The following MLLT10 variants were observed in gnomAD, a reference collection of about 807,000 sequenced individuals.
The protein encoded by MLLT10 is MLLT10 histone lysine methyltransferase DOT1L cofactor, also known as protein AF-10.
Under a neutral mutation model 129.1 loss-of-function variants are expected in MLLT10, and 30 were observed. The observed-to-expected ratio is 0.23, with a 90% CI of 0.17 to 0.32. MLLT10 has a LOEUF of 0.32. Ranked by LOEUF, MLLT10 falls within the 10% of genes least tolerant of loss-of-function variation. The pLI is 1.00. For missense variants in MLLT10, 1,119 were observed against 1,268.3 expected, an observed-to-expected ratio of 0.88 and a Z score of 1.79; for synonymous variants, 490 against 446.4, an observed-to-expected ratio of 1.10 and a Z score of -1.23.
At chr10:21,538,771 G>T (rs2034556738) in intron 2 of MLLT10, 62 bp from the exon 3 acceptor site, 3 of 1,215,082 alleles carry the variant, frequency 2.5e-6, no homozygotes, top group Non-Finnish European at 3.6e-6. Flanking sequence ...CTTTGAAAGG[G>T]TATTTGATTT....
chr10:21,720,156 C>T (rs1456134266), intron 14 of MLLT10, among the ~76,000 whole-genome samples: 1 of 152,188 alleles, frequency 6.6e-6, no homozygotes, highest in Non-Finnish European at 1.5e-5. Context: ...ACACTTCATT[C>T]CCTCCTGCTA....
chr10:21,553,870 G>A (rs1485441592), intron 3 of MLLT10, among the ~76,000 whole-genome samples: 3 of 152,078 alleles, frequency 2.0e-5, no homozygotes, highest in Non-Finnish European at 4.4e-5. Context: ...GGCTGGTTTC[G>A]AACTCCTGAA....
intron 21 of MLLT10, among the ~76,000 whole-genome samples, chr10:21,736,076 G>T (rs1378529780): frequency 6.6e-6 from 1 of 152,024 alleles, no homozygotes; most frequent in African/African-American, 2.4e-5. Flanking sequence ...TCAGGATTAA[G>T]AATTGGAAGG....
intron 3 of MLLT10, among the ~76,000 whole-genome samples, chr10:21,550,641 C>G (rs573698133): frequency 1.1e-4 from 16 of 152,198 alleles, no homozygotes; most frequent in Admixed American, 6.6e-4. Flanking sequence ...GAGCGATTCA[C>G]CTTCCTTAGC....
chr10:21,699,673 T>C (rs1375485260), intron 13 of MLLT10, among the ~76,000 whole-genome samples: 1 of 151,386 alleles, frequency 6.6e-6, no homozygotes, highest in Non-Finnish European at 1.5e-5. Context: ...TTGTCAAAAA[T>C]CAGTTGGCTG....
At chr10:21,604,223 A>G (rs1162773582) in intron 5 of MLLT10, among the ~76,000 whole-genome samples, 1 of 152,076 alleles carries the variant, frequency 6.6e-6, no homozygotes, top group African/African-American at 2.4e-5. Flanking sequence ...AATATAATAA[A>G]CTCAGAAAGT....
Position 21,586,002 on chromosome 10 carries a change from C to A in MLLT10, c.241-292C>A, listed in dbSNP as rs550542120. On this transcript the variant is annotated intron_variant, in intron 3 of 22. Transcript: ENST00000307729. ...TCTCGAACTCCCGACCTCAGCTAAT[C>A]CGCCTGCCTCAGCCTCCCAAAGTTC... Among the ~76,000 whole-genome samples the A allele has an allele frequency of 4.8e-4, 73 of 152,278 alleles. No homozygotes were observed. The Middle Eastern group carries it at 0.01, about 21-fold the overall frequency.
intron 11 of MLLT10, among the ~76,000 whole-genome samples, chr10:21,680,201 C>G (rs1476954352): frequency 6.6e-6 from 1 of 151,762 alleles, no homozygotes; most frequent in East Asian, 1.9e-4. Flanking sequence ...TTATCTTTCT[C>G]TTTTCTTTTT....
chr10:21,553,816 A>G (rs2130962684), intron 3 of MLLT10, among the ~76,000 whole-genome samples: 1 of 151,612 alleles, frequency 6.6e-6, no homozygotes, highest in Middle Eastern at 3.4e-3. Context: ...TGCCTGGCTA[A>G]TTTTTGTATT....
chr10:21,612,992 C>T (rs563488500), intron 6 of MLLT10, among the ~76,000 whole-genome samples: 12 of 151,910 alleles, frequency 7.9e-5, no homozygotes, highest in Admixed American at 1.3e-4. Flanking sequence ...TCAGGAGGTC[C>T]AGACCAGCCT....
chr10:21,716,996 C>A (rs548185191), intron 14 of MLLT10, among the ~76,000 whole-genome samples: 2 of 151,900 alleles, frequency 1.3e-5, no homozygotes, highest in Non-Finnish European at 2.9e-5. Flanking sequence ...GTGGCTCACA[C>A]CTGTAATCCC....
At chr10:21,740,862 G>A (rs2058771492) in intron 22 of MLLT10, among the ~76,000 whole-genome samples, 1 of 152,102 alleles carries the variant, frequency 6.6e-6, no homozygotes, top group African/African-American at 2.4e-5. Flanking sequence ...CCTTCAATTA[G>A]GTCTACTTTA....
At chr10:21,667,103 A>C (rs572857674) in intron 9 of MLLT10, among the ~76,000 whole-genome samples, 30 of 152,188 alleles carry the variant, frequency 2.0e-4, no homozygotes, top group African/African-American at 7.0e-4. Context: ...CTGCCTGTGG[A>C]ATTCTAAGTT....
rs1393841920 is a variant in MLLT10 at position 21,743,272 on chromosome 10, T to C, written c.*1289T>C. 1.3e-5 allele frequency: 3 copies of C among 227,098 alleles called. No homozygotes were observed. Among genetic ancestry groups the C allele is most frequent in the Middle Eastern group, 1.3e-3 (1 of 786 alleles). 14.1% of individuals were successfully genotyped at this position (227,098 alleles called of 1,614,324 possible). A position where few individuals can be genotyped will look rare whatever the true frequency, so the allele number is the denominator to read the frequency against. On this transcript the variant is annotated 3_prime_UTR_variant, in exon 23 of 23. Coordinates refer to ENST00000307729, the MANE Select transcript of MLLT10 (RefSeq NM_001195626.3). Reference sequence around the variant, plus strand: ...CTGCAATATGTTTCTTGGTTAAACATTGCACAGTTCTTACCTCATTTCTGT... The same window carrying C: ...CTGCAATATGTTTCTTGGTTAAACACTGCACAGTTCTTACCTCATTTCTGT...
intron 4 of MLLT10, 46 bp downstream of exon 4, chr10:21,586,394 CAG>C: frequency 7.8e-7 from 1 of 1,290,126 alleles, no homozygotes; most frequent in East Asian, 2.4e-5. Context: ...AAAACTGGGA[CAG>C]TGGAGTATTT....
intron 12 of MLLT10, among the ~76,000 whole-genome samples, 172 bp downstream of exon 12, chr10:21,681,548 T>C (rs766101306): frequency 2.6e-5 from 4 of 152,250 alleles, no homozygotes; most frequent in South Asian, 4.1e-4. Context: ...TGTCTTGTTA[T>C]AGATCCATAT....
chr10:21,706,910 G>A (rs577118218), intron 13 of MLLT10, among the ~76,000 whole-genome samples: 26 of 151,940 alleles, frequency 1.7e-4, no homozygotes, highest in Admixed American at 1.6e-3. Flanking sequence ...CATCTCTTTC[G>A]TCAGGCTCTC....
At chr10:21,635,107 C>G (rs766140118) in intron 8 of MLLT10, among the ~76,000 whole-genome samples, 4 of 152,162 alleles carry the variant, frequency 2.6e-5, no homozygotes, top group African/African-American at 7.2e-5. Context: ...GTACCCCATG[C>G]GCTTACCTGT....
chr10:21,692,459 C>T (rs1029035756), intron 13 of MLLT10, among the ~76,000 whole-genome samples: 8 of 151,926 alleles, frequency 5.3e-5, no homozygotes, highest in South Asian at 2.1e-4. Flanking sequence ...CATGAACCAC[C>T]GCGCCTGGCC....
Sources: gnomAD v4.1 joint callset for allele counts (sites outside exome capture counted in the v4.1 genomes callset) on GRCh38, gnomAD v4.1.1 for gene constraint, MANE v1.5 for transcripts, NCBI Gene and HGNC (gene_info 2026-07-23, HGNC 2026-07-21) for gene names.